The following LCLAT1 variants were observed in gnomAD, a reference collection of about 807,000 sequenced individuals.
LCLAT1 encodes lysocardiolipin acyltransferase 1.
Under a neutral mutation model 30.7 loss-of-function variants are expected in LCLAT1, and 11 were observed. The observed-to-expected ratio is 0.36, with a 90% confidence interval of 0.23 to 0.59. The LOEUF (loss-of-function observed/expected upper bound fraction) is 0.59. Among genes scored for constraint, LCLAT1 ranks in the 20% least tolerant of loss-of-function variants. The pLI, the probability that LCLAT1 is intolerant of heterozygous loss-of-function variation, is 0.77. For missense variants in LCLAT1, 402 were observed against 458.6 expected (o/e 0.88, Z 1.13); for synonymous variants, 155 against 151.3 (o/e 1.02, Z -0.18).
intron 5 of LCLAT1, among the ~76,000 whole-genome samples, chr2:30,574,206 A>T (rs1163734219): frequency 1.3e-5 from 2 of 152,100 alleles, no homozygotes; most frequent in Non-Finnish European, 2.9e-5. Context: ...GGTAAGGGAA[A>T]ATAGGGGTAA....
chr2:30,607,971 G>A (rs531736342), intron 5 of LCLAT1: 2 of 176,500 alleles, frequency 1.1e-5, no homozygotes, highest in South Asian at 2.3e-4. Flanking sequence ...TAGAAAGAAA[G>A]TCTTTTTGTA....
At chr2:30,539,185 G>T (rs775542192) in intron 3 of LCLAT1, among the ~76,000 whole-genome samples, 2 of 150,034 alleles carry the variant, frequency 1.3e-5, no homozygotes, top group East Asian at 3.9e-4. Context: ...TCTTGACCTC[G>T]TGATCCGCCC....
In LCLAT1 at chr2:30,461,770, C is replaced by CCTTTTTTTTTTTTTTTTTTTTTTT. The variant is rs760622200; in HGVS notation, c.-5+14387_-5+14388insCTTTTTTTTTTTTTTTTTTTTTTT. Among the ~76,000 whole-genome samples, 620 of 131,656 alleles carry CCTTTTTTTTTTTTTTTTTTTTTTT rather than the reference C, an allele frequency of 4.7e-3. 46 individuals are homozygous for CCTTTTTTTTTTTTTTTTTTTTTTT. The highest frequency in any genetic ancestry group is 7.4e-3 in the South Asian group (28 of 3,792). 86.4% of individuals were successfully genotyped at this position (131,656 alleles called of 152,430 possible). A position where few individuals can be genotyped will look rare whatever the true frequency, so the allele number is the denominator to read the frequency against. On this transcript the variant is annotated intron_variant, in intron 1 of 5. Transcript: ENST00000379509. ...TGTGGACCACTTTTTCTAAATTAAA[C>CCTTTTTTTTTTTTTTTTTTTTTTT]TTTTTTTTTTTTTTTTTTGAGACGG...
At chr2:30,453,461 A>AT (rs1681666503) in intron 1 of LCLAT1, among the ~76,000 whole-genome samples, 1 of 152,052 alleles carries the variant, frequency 6.6e-6, no homozygotes, top group Non-Finnish European at 1.5e-5. Flanking sequence ...TCTTAGAATT[A>AT]TTTTTTTCTG....
chr2:30,506,153 A>G (rs550164901), intron 1 of LCLAT1, among the ~76,000 whole-genome samples: 1 of 152,256 alleles, frequency 6.6e-6, no homozygotes, highest in South Asian at 2.1e-4. Flanking sequence ...CTCCCTAACT[A>G]AAAAGCTTGT....
At position 30,582,063 on chromosome 2, in the gene LCLAT1, CACTT is replaced by C. The variant is rs1482206909; in HGVS notation, c.628+13889_628+13892del. On this transcript the variant is annotated intron_variant, in intron 5 of 5. Coordinates refer to ENST00000379509, the MANE Select transcript of LCLAT1 (RefSeq NM_001002257.3). ...AAAAATACTAAAAAGCAAGAATAAT[CACTT>C]AATTAGAAAATATATTTTTTCCTCT... Among the ~76,000 whole-genome samples, 4 of 152,076 alleles carry C rather than the reference CACTT, an allele frequency of 2.6e-5. No homozygotes were observed. In the East Asian group the frequency reaches 7.7e-4, roughly 29 times the overall value.
chr2:30,537,843 C>T (rs2148404500), intron 3 of LCLAT1, among the ~76,000 whole-genome samples: 1 of 152,256 alleles, frequency 6.6e-6, no homozygotes, highest in Admixed American at 6.5e-5. Flanking sequence ...CAAAACAAGT[C>T]TCAGCAAATT....
chr2:30,465,114 TA>T (rs968299610), intron 1 of LCLAT1, among the ~76,000 whole-genome samples: 2 of 151,934 alleles, frequency 1.3e-5, no homozygotes, highest in Admixed American at 6.6e-5. Flanking sequence ...CCTTGTATGT[TA>T]AAAAAAATGG....
chr2:30,504,175 CAT>C (rs1352001042), intron 1 of LCLAT1, among the ~76,000 whole-genome samples: 1 of 151,984 alleles, frequency 6.6e-6, no homozygotes, highest in Non-Finnish European at 1.5e-5. Flanking sequence ...ACATATTACA[CAT>C]AATATGCATT....
chr2:30,611,100 T>TATCA (rs1168532214), intron 5 of LCLAT1, among the ~76,000 whole-genome samples: 2 of 151,152 alleles, frequency 1.3e-5, no homozygotes, highest in Non-Finnish European at 3.0e-5. Context: ...TTTTTTTTCC[T>TATCA]ATCAGTAGTC....
chr2:30,471,624 T>G (rs983348261), intron 1 of LCLAT1, among the ~76,000 whole-genome samples: 1 of 152,248 alleles, frequency 6.6e-6, no homozygotes, highest in African/African-American at 2.4e-5. Flanking sequence ...TTAAATTTAT[T>G]CCTAGGTTTA....
rs1250760194 is a variant in LCLAT1, at chr2:30,542,476, G to C, written c.364+9162G>C. Among the ~76,000 whole-genome samples the C allele has an allele frequency of 2.0e-5, 3 of 151,902 alleles. No individual in the cohort carries two copies. The East Asian group carries it at 5.8e-4, about 29-fold the overall frequency. ...TTAACACCTTTTTTGAAAATTATTT[G>C]TCCGGTAAGTGTTATTTCATCAATG... is the stretch of plus-strand genomic sequence containing the variant. On this transcript the variant is annotated intron_variant, in intron 3 of 5. Transcript: ENST00000379509.
chr2:30,589,667 G>A (rs780517709), intron 5 of LCLAT1, among the ~76,000 whole-genome samples: 1 of 152,146 alleles, frequency 6.6e-6, no homozygotes, highest in Non-Finnish European at 1.5e-5. Flanking sequence ...AGTACATGGC[G>A]TATCTTCTTG....
chr2:30,447,454 T>G, intron 1 of LCLAT1, 71 bp downstream of exon 1: 1 of 152,488 alleles, frequency 6.6e-6, no homozygotes, highest in Non-Finnish European at 1.5e-5. Flanking sequence ...ATCTCAGAGG[T>G]GCAGGAAGGG....
intron 1 of LCLAT1, among the ~76,000 whole-genome samples, chr2:30,456,559 G>T (rs1681847644): frequency 6.6e-6 from 1 of 152,108 alleles, no homozygotes; most frequent in Non-Finnish European, 1.5e-5. Flanking sequence ...GCTGTTGTGG[G>T]TGGGGGTGGG....
intron 5 of LCLAT1, among the ~76,000 whole-genome samples, chr2:30,578,866 C>T (rs1666100664): frequency 6.6e-6 from 1 of 152,042 alleles, no homozygotes; most frequent in African/African-American, 2.4e-5. Context: ...ACATTAGTGT[C>T]TTAATGACCA....
rs146880953 is a variant in LCLAT1 at position 30,538,670 on chromosome 2, A to G, written c.364+5356A>G. 4.3e-4 allele frequency among the ~76,000 whole-genome samples: 66 copies of G among 152,156 alleles called. No homozygotes were observed. In the East Asian group the frequency reaches 7.7e-3, roughly 18 times the overall value. On this transcript the variant is annotated intron_variant, in intron 3 of 5. Coordinates refer to ENST00000379509, the MANE Select transcript of LCLAT1 (RefSeq NM_001002257.3). Reference sequence around the variant, plus strand: ...TAAAAAATAAAAAAATTAGAACTGTAATAAAAAAATTAGAAATGTAATATG... The same window carrying G: ...TAAAAAATAAAAAAATTAGAACTGTGATAAAAAAATTAGAAATGTAATATG...
At chr2:30,594,666 T>G (rs1168819011) in intron 5 of LCLAT1, among the ~76,000 whole-genome samples, 2 of 152,238 alleles carry the variant, frequency 1.3e-5, no homozygotes, top group African/African-American at 2.4e-5. Flanking sequence ...AACTATTATG[T>G]GGGAGGGTCT....
chr2:30,567,621 G>A (rs1244636297), intron 4 of LCLAT1, among the ~76,000 whole-genome samples: 4 of 152,084 alleles, frequency 2.6e-5, no homozygotes, highest in Admixed American at 6.5e-5. Flanking sequence ...GTGGACCTCC[G>A]GATGGGCAGT....
Sources: allele counts gnomAD v4.1 joint callset (sites outside exome capture counted in the v4.1 genomes callset), GRCh38; gene constraint gnomAD v4.1.1; transcripts MANE v1.5; gene names NCBI Gene and HGNC (gene_info 2026-07-23, HGNC 2026-07-21).